The following NRG1 variants were observed in gnomAD, a reference collection of about 807,000 sequenced individuals.
The protein encoded by NRG1 is neuregulin 1.
A neutral mutation model predicts 63.8 loss-of-function variants in NRG1; 18 were observed. The observed-to-expected ratio is 0.28, with a 90% CI of 0.19 to 0.42. NRG1 has a LOEUF of 0.42. NRG1 is among the 10% of genes least tolerant of loss of function. The pLI is 1.00. For synonymous variants in NRG1, 302 were observed against 301.3 expected (o/e 1.00, Z -0.02); for missense variants, 762 against 814.7 (o/e 0.94, Z 0.79).
intron 7 of NRG1, among the ~76,000 whole-genome samples, chr8:32,751,715 TA>T (rs566757243): frequency 1.8e-4 from 28 of 152,304 alleles, no homozygotes; most frequent in African/African-American, 6.3e-4. Flanking sequence ...CTAGTGCTGT[TA>T]CATTACCCTT....
intron 1 of NRG1, among the ~76,000 whole-genome samples, chr8:32,313,018 T>C (rs1856997284): frequency 6.6e-6 from 1 of 151,880 alleles, no homozygotes; most frequent in South Asian, 2.1e-4. Flanking sequence ...CCGCGTGTGG[T>C]GGTGGACGCC....
intron 1 of NRG1, among the ~76,000 whole-genome samples, chr8:31,652,979 C>T (rs1805019651): frequency 6.5e-5 from 3 of 46,166 alleles, no homozygotes; most frequent in East Asian, 5.9e-4. Context: ...CCTCTCCTCT[C>T]CTCTCCTCTC....
At chr8:32,711,787 G>A (rs1377946341) in intron 5 of NRG1, among the ~76,000 whole-genome samples, 1 of 152,110 alleles carries the variant, frequency 6.6e-6, no homozygotes, top group African/African-American at 2.4e-5. Context: ...AGTAGAAATG[G>A]TAGTTGTGAG....
intron 1 of NRG1, among the ~76,000 whole-genome samples, chr8:31,659,100 C>T (rs542685602): frequency 5.1e-4 from 77 of 152,260 alleles, no homozygotes; most frequent in African/African-American, 1.7e-3. Flanking sequence ...AGAAGCACTA[C>T]TTTAACAGGC....
Position 31,692,615 on chromosome 8 carries a change from A to G in NRG1, c.37+53184A>G, listed in dbSNP as rs1809639513. 2.0e-5 allele frequency among the ~76,000 whole-genome samples: 3 copies of G among 152,256 alleles called. No individual in the cohort carries two copies. The South Asian group carries it at 6.2e-4, about 32-fold the overall frequency. The stretch of plus-strand genomic sequence containing the variant: ...AATAACTATAAACTTGCATTTTGAC[A>G]GGAAGAAGAATAGAAAAGGAAGCAG... On this transcript the variant is annotated intron_variant, in intron 1 of 10. Transcript: ENST00000519301.
rs375258837 is a variant in NRG1 at position 31,902,170 on chromosome 8, A to C, written c.37+262739A>C. ...AATTTAGTAAGTAAACCAGAAAGTTATTAGAAAAACAAGTAGGAGCAAAAT... is the reference window on the plus strand; with the variant it reads ...AATTTAGTAAGTAAACCAGAAAGTTCTTAGAAAAACAAGTAGGAGCAAAAT... On this transcript the variant is annotated intron_variant, in intron 1 of 10. Transcript: ENST00000519301. 1.1e-4 allele frequency among the ~76,000 whole-genome samples: 17 copies of C among 152,350 alleles called. No individual in the cohort carries two copies. The East Asian group carries it at 1.2e-3, about 10-fold the overall frequency.
chr8:32,340,688 G>T (rs1227167393), intron 1 of NRG1, among the ~76,000 whole-genome samples: 1 of 152,118 alleles, frequency 6.6e-6, no homozygotes, highest in Non-Finnish European at 1.5e-5. Flanking sequence ...AAGAATGAGG[G>T]ACTCTGAAAA....
intron 1 of NRG1, among the ~76,000 whole-genome samples, chr8:31,708,621 A>G (rs948118375): frequency 1.3e-5 from 2 of 150,946 alleles, no homozygotes; most frequent in Non-Finnish European, 3.0e-5. Flanking sequence ...AATTTTTTGT[A>G]TTTTTAGTAG....
At chr8:32,386,069 G>C (rs1810984108) in intron 1 of NRG1, among the ~76,000 whole-genome samples, 1 of 152,146 alleles carries the variant, frequency 6.6e-6, no homozygotes, top group Admixed American at 6.5e-5. Context: ...TAGGTCTTTA[G>C]ATTTTAGTTG....
At chr8:31,869,327 TTG>T (rs1829277434) in intron 1 of NRG1, among the ~76,000 whole-genome samples, 1 of 152,158 alleles carries the variant, frequency 6.6e-6, no homozygotes. Context: ...AGATCTTAAC[TTG>T]TACTCCTGCT....
chr8:32,757,460 C>G (rs1829889157), intron 9 of NRG1, among the ~76,000 whole-genome samples: 1 of 152,108 alleles, frequency 6.6e-6, no homozygotes. Context: ...ACAGATATAT[C>G]ATAGACCCAA....
intron 1 of NRG1, among the ~76,000 whole-genome samples, chr8:32,461,497 G>C (rs1429557272): frequency 6.6e-6 from 1 of 152,146 alleles, no homozygotes; most frequent in South Asian, 2.1e-4. Flanking sequence ...CCAGGAGTTC[G>C]AGACCAGCTT....
intron 1 of NRG1, among the ~76,000 whole-genome samples, chr8:32,325,945 C>T (rs1366193425): frequency 6.6e-6 from 1 of 152,042 alleles, no homozygotes; most frequent in Non-Finnish European, 1.5e-5. Flanking sequence ...AGAGTTTATC[C>T]CTCAGCCCAT....
chr8:32,220,436 C>T (rs762034976), intron 1 of NRG1, among the ~76,000 whole-genome samples: 2 of 151,982 alleles, frequency 1.3e-5, no homozygotes, highest in South Asian at 4.2e-4. Context: ...GGAGCAGGGG[C>T]TCGGGGTGGG....
At chr8:32,641,136 C>A (rs908492251) in intron 5 of NRG1, among the ~76,000 whole-genome samples, 1 of 147,016 alleles carries the variant, frequency 6.8e-6, no homozygotes, top group Non-Finnish European at 1.5e-5. Flanking sequence ...AGTGAAACCC[C>A]GTCTCTAAAT....
At chr8:32,586,883 G>A (rs1841711761) in intron 1 of NRG1, among the ~76,000 whole-genome samples, 1 of 152,138 alleles carries the variant, frequency 6.6e-6, no homozygotes, top group Admixed American at 6.6e-5. Flanking sequence ...GTAGACCATG[G>A]TCAATCAATG....
In NRG1 at chr8:32,595,478, C is replaced by T. The variant is rs112074493; in HGVS notation, c.101-350C>T. ...TTGGGGGATTACAGGCGTGAACCAC[C>T]GTGCCCAGCCTACATACGCTCCTTT... is the stretch of plus-strand genomic sequence containing the variant. On this transcript the variant is annotated intron_variant, in intron 1 of 11. Transcript: ENST00000356819. Among the ~76,000 whole-genome samples the T allele has an allele frequency of 6.4e-4, 98 of 152,208 alleles. 1 individual carries two copies. In the East Asian group the frequency reaches 0.01, roughly 16 times the overall value.
At chr8:32,210,757 A>AT (rs1462469647) in intron 1 of NRG1, among the ~76,000 whole-genome samples, 2 of 152,256 alleles carry the variant, frequency 1.3e-5, no homozygotes, top group East Asian at 3.8e-4. Context: ...AAAGAGGTTT[A>AT]TAAGACCGTG....
chr8:31,750,150 A>T (rs1481551566), intron 1 of NRG1, among the ~76,000 whole-genome samples: 1 of 151,898 alleles, frequency 6.6e-6, no homozygotes, highest in Non-Finnish European at 1.5e-5. Context: ...TCCCTCTCCT[A>T]AACATGAATT....
Sources: gnomAD v4.1 joint callset for allele counts (sites outside exome capture counted in the v4.1 genomes callset) on GRCh38, gnomAD v4.1.1 for gene constraint, MANE v1.5 for transcripts, NCBI Gene and HGNC (gene_info 2026-07-23, HGNC 2026-07-21) for gene names.